Variants in PDZRN3 observed in about 807,000 individuals in gnomAD.
PDZRN3 encodes E3 ubiquitin-protein ligase PDZRN3.
In PDZRN3, 38 loss-of-function variants were observed where a neutral mutation model predicts 85.7. That is an observed-to-expected ratio of 0.44 (90% confidence interval 0.34 to 0.58). The LOEUF is 0.58. Ranked by LOEUF, PDZRN3 falls within the 20% of genes least tolerant of loss-of-function variation. The probability of loss-of-function intolerance (pLI) is 0.01; values close to 1 mark genes in which losing one functional copy is unlikely to be tolerated. For synonymous variants in PDZRN3, 759 were observed against 638.0 expected (o/e 1.19, Z -2.86); for missense variants, 1,629 against 1,506.4 (o/e 1.08, Z -1.35).
intron 3 of PDZRN3, among the ~76,000 whole-genome samples, chr3:73,479,266 A>G (rs1422847014): frequency 6.6e-6 from 1 of 152,214 alleles, no homozygotes; most frequent in Non-Finnish European, 1.5e-5. Context: ...CAAGGAAGAA[A>G]AGTTAAATTC....
At chr3:73,550,470 G>T (rs115756168) in intron 3 of PDZRN3, among the ~76,000 whole-genome samples, 1 of 152,296 alleles carries the variant, frequency 6.6e-6, no homozygotes, top group Non-Finnish European at 1.5e-5. Flanking sequence ...AAATCTCTAA[G>T]GCAGGGCCCA....
chr3:73,494,906 T>C (rs561805822), intron 3 of PDZRN3, among the ~76,000 whole-genome samples: 5 of 152,318 alleles, frequency 3.3e-5, no homozygotes, highest in African/African-American at 9.6e-5. Context: ...CTTGAAGAGA[T>C]AGTGTTACAA....
chr3:73,429,981 G>A (rs1394201434), intron 3 of PDZRN3, among the ~76,000 whole-genome samples: 1 of 152,270 alleles, frequency 6.6e-6, no homozygotes, highest in East Asian at 1.9e-4. Flanking sequence ...CCCCACAAAG[G>A]CAAGCATGAT....
At chr3:73,419,584 A>G (rs1368710762) in intron 3 of PDZRN3, among the ~76,000 whole-genome samples, 1 of 152,216 alleles carries the variant, frequency 6.6e-6, no homozygotes, top group Non-Finnish European at 1.5e-5. Flanking sequence ...TGTTTGGGTC[A>G]GGGATTTTTT....
At position 73,384,487 on chromosome 3, in the gene PDZRN3, G is replaced by C. The variant is rs149302060; in HGVS notation, c.2079C>G (p.Arg693=). 83 of 1,613,416 alleles carry C rather than the reference G, an allele frequency of 5.1e-5. No homozygotes were observed. Among genetic ancestry groups the C allele is most frequent in the Non-Finnish European group, 6.9e-5 (81 of 1,180,042 alleles). ...KELELLNEEL[R]SIELECLSIV... ...TGCTCAGGCACTCCAGCTCGATGCT[G>C]CGCAGCTCTTCGTTCAGCAGCTCCA... is the stretch of plus-strand genomic sequence containing the variant. The change falls in exon 10 of 10, where the codon CGC becomes CGG. Residue 693 remains arginine, a synonymous_variant. Coordinates refer to ENST00000263666, the MANE Select transcript of PDZRN3 (RefSeq NM_015009.3).
intron 3 of PDZRN3, among the ~76,000 whole-genome samples, chr3:73,572,180 C>G (rs1200853478): frequency 6.6e-6 from 1 of 152,136 alleles, no homozygotes; most frequent in South Asian, 2.1e-4. Flanking sequence ...TAAAAATAAA[C>G]CATTAAATCC....
At position 73,383,449 on chromosome 3, in the gene PDZRN3, C is replaced by T. The variant is rs374426360; in HGVS notation, c.3117G>A (p.Thr1039=). ...TGCCGTGGGTTAAGAGTTCTTGGAT[C>T]GTCATCCAGTTATCGAAGATTTTCT... is the stretch of plus-strand genomic sequence containing the variant. The part of the protein sequence containing the change: ...RNKKIFDNWM[T]IQELLTHGTK... The change falls in exon 10 of 10, where the codon ACG becomes ACA. Residue 1039 remains threonine (T), a synonymous_variant. Coordinates refer to ENST00000263666, the MANE Select transcript of PDZRN3 (RefSeq NM_015009.3). The T allele has an allele frequency of 4.3e-5, 70 of 1,614,120 alleles. No homozygotes were observed. The highest frequency in any genetic ancestry group is 5.7e-5 in the Non-Finnish European group (67 of 1,179,994).
At chr3:73,547,586 C>T (rs1439380011) in intron 3 of PDZRN3, among the ~76,000 whole-genome samples, 2 of 152,334 alleles carry the variant, frequency 1.3e-5, no homozygotes, top group East Asian at 1.9e-4. Context: ...CAGCTCTCTG[C>T]TCACAGGACA....
At chr3:73,618,863 T>C (rs752384355) in intron 1 of PDZRN3, among the ~76,000 whole-genome samples, 14 of 152,362 alleles carry the variant, frequency 9.2e-5, no homozygotes, top group Non-Finnish European at 8.8e-5. Context: ...TGTAACTTTT[T>C]TTTAGCAGAA....
intron 3 of PDZRN3, among the ~76,000 whole-genome samples, chr3:73,499,770 C>G (rs1703940897): frequency 6.6e-6 from 1 of 152,132 alleles, no homozygotes; most frequent in African/African-American, 2.4e-5. Context: ...ACCTGGGTTT[C>G]CCACCTCCTA....
At chr3:73,559,143 C>A (rs965802560) in intron 3 of PDZRN3, among the ~76,000 whole-genome samples, 1 of 152,162 alleles carries the variant, frequency 6.6e-6, no homozygotes, top group Admixed American at 6.5e-5. Context: ...GTTGTCACAA[C>A]CTTTCTCTGG....
intron 3 of PDZRN3, among the ~76,000 whole-genome samples, chr3:73,531,626 T>A (rs1275103217): frequency 6.6e-6 from 1 of 152,178 alleles, no homozygotes; most frequent in Non-Finnish European, 1.5e-5. Flanking sequence ...GAAGGAGGCA[T>A]CTCTCCTTCA....
At chr3:73,527,033 A>G (rs1704541464) in intron 3 of PDZRN3, among the ~76,000 whole-genome samples, 1 of 151,962 alleles carries the variant, frequency 6.6e-6, no homozygotes, top group Non-Finnish European at 1.5e-5. Flanking sequence ...TATTTTTAGT[A>G]GGTGTTGCCA....
intron 3 of PDZRN3, among the ~76,000 whole-genome samples, chr3:73,540,616 C>T (rs527380065): frequency 6.6e-6 from 1 of 152,192 alleles, no homozygotes; most frequent in East Asian, 1.9e-4. Flanking sequence ...GGGCATTTTC[C>T]TCTTTGCTCA....
At chr3:73,450,335 TA>T (rs1406862190) in intron 3 of PDZRN3, among the ~76,000 whole-genome samples, 1 of 152,158 alleles carries the variant, frequency 6.6e-6, no homozygotes, top group Non-Finnish European at 1.5e-5. Flanking sequence ...ACTACTTAGC[TA>T]TTCTCCAAGT....
chr3:73,398,275 G>C (rs1299025604), intron 5 of PDZRN3, among the ~76,000 whole-genome samples: 1 of 152,128 alleles, frequency 6.6e-6, no homozygotes, highest in East Asian at 1.9e-4. Flanking sequence ...CAATATTCGT[G>C]ACTTGGCGGC....
chr3:73,608,108 G>T (rs1027291943), intron 2 of PDZRN3, among the ~76,000 whole-genome samples: 2 of 152,134 alleles, frequency 1.3e-5, no homozygotes, highest in African/African-American at 4.8e-5. Flanking sequence ...GATGAATGTG[G>T]TGGTCAAAGA....
chr3:73,485,412 C>A (rs1001136412), intron 3 of PDZRN3, among the ~76,000 whole-genome samples: 1 of 151,734 alleles, frequency 6.6e-6, no homozygotes, highest in African/African-American at 2.4e-5. Flanking sequence ...CAAAAGAAGA[C>A]CCTTACAGAT....
chr3:73,489,570 C>CTTTTCTTTTTTTT (rs1703730110), intron 3 of PDZRN3, among the ~76,000 whole-genome samples: 1 of 17,182 alleles, frequency 5.8e-5, no homozygotes, highest in Non-Finnish European at 1.3e-4. Context: ...TGGGCAGTTT[C>CTTTTCTTTTTTTT]TTTTCTTTTT....
Sources: gnomAD v4.1 joint callset for allele counts (sites outside exome capture counted in the v4.1 genomes callset) on GRCh38, gnomAD v4.1.1 for gene constraint, MANE v1.5 for transcripts, NCBI Gene and HGNC (gene_info 2026-07-23, HGNC 2026-07-21) for gene names.